The following ITIH5 variants were observed in gnomAD, a reference collection of about 807,000 sequenced individuals.
ITIH5 encodes inter-alpha-trypsin inhibitor heavy chain 5.
Under a neutral mutation model 77.5 loss-of-function variants are expected in ITIH5, and 65 were observed. That is an observed-to-expected ratio of 0.84 (90% CI 0.69 to 1.03). The LOEUF (loss-of-function observed/expected upper bound fraction) is 1.03, where lower values mean the gene tolerates loss of function less well. Among genes scored for constraint, ITIH5 ranks in the 50% least tolerant of loss-of-function variants. The pLI is 0.00. For missense variants in ITIH5, 1,208 were observed against 1,213.1 expected (o/e 1.00, Z 0.06); for synonymous variants, 525 against 494.3 (o/e 1.06, Z -0.82).
chr10:7,564,736 A>G (rs1398828048), intron 13 of ITIH5, among the ~76,000 whole-genome samples: 1 of 151,762 alleles, frequency 6.6e-6, no homozygotes, highest in Non-Finnish European at 1.5e-5. Flanking sequence ...GTGGGTGTGA[A>G]TATATATAAT....
chr10:7,637,379 C>T lies in ITIH5; in HGVS notation c.501G>A (p.Leu167=). 1.2e-6 allele frequency: 2 copies of T among 1,614,244 alleles called. No homozygotes were observed. Among genetic ancestry groups the T allele is most frequent in the African/African-American group, 1.3e-5 (1 of 75,076 alleles). Residue 167 remains leucine (L), a synonymous_variant, in exon 5 of 14, where the codon CTG becomes CTA. Transcript: ENST00000397146. ...LSYEELLQRR[L]GKYEHSISVR... ...CGCTGATGCTGTGCTCGTACTTGCCCAGGCGCCTCTGCAGAAGCTCCTCAT... is the reference window on the plus strand; with the variant it reads ...CGCTGATGCTGTGCTCGTACTTGCCTAGGCGCCTCTGCAGAAGCTCCTCAT...
chr10:7,644,293 T>G (rs911060310), intron 2 of ITIH5, among the ~76,000 whole-genome samples: 1 of 149,152 alleles, frequency 6.7e-6, no homozygotes, highest in Non-Finnish European at 1.5e-5. Context: ...ATATATCATA[T>G]ATATCATACA....
chr10:7,639,846 T>G (rs988799628), intron 4 of ITIH5, among the ~76,000 whole-genome samples: 1 of 152,048 alleles, frequency 6.6e-6, no homozygotes, highest in African/African-American at 2.4e-5. Context: ...TGCTAATAAC[T>G]CAAACAATGA....
chr10:7,585,770 G>A (rs1588375546), intron 8 of ITIH5, 131 bp downstream of exon 8: 15 of 723,850 alleles, frequency 2.1e-5, no homozygotes, highest in South Asian at 6.0e-5. Flanking sequence ...GAAAGCTCTC[G>A]CCTGCAGTCT....
At chr10:7,655,702 A>G (rs1834171249) in intron 1 of ITIH5, 27 bp from the exon 2 acceptor site, 7 of 1,584,790 alleles carry the variant, frequency 4.4e-6, no homozygotes, top group Non-Finnish European at 5.2e-6. Context: ...ACTGTTAAAA[A>G]GGTGATTTTT....
At chr10:7,662,398 A>T (rs1834291685) in intron 1 of ITIH5, among the ~76,000 whole-genome samples, 1 of 152,062 alleles carries the variant, frequency 6.6e-6, no homozygotes, top group Non-Finnish European at 1.5e-5. Context: ...AGAAAAGAAA[A>T]ATCAGGGAAC....
intron 1 of ITIH5, among the ~76,000 whole-genome samples, chr10:7,657,041 C>CT (rs56737624): frequency 0.042 from 4,183 of 99,674 alleles, 312 homozygotes; most frequent in African/African-American, 0.11. Flanking sequence ...CGCGTTCGGC[C>CT]TTTTTTTTTT....
intron 1 of ITIH5, among the ~76,000 whole-genome samples, chr10:7,660,748 GA>G (rs1483024403): frequency 6.6e-6 from 1 of 152,222 alleles, no homozygotes; most frequent in Non-Finnish European, 1.5e-5. Flanking sequence ...GAGGCAGGAG[GA>G]GAGAAACAAA....
chr10:7,662,483 GT>G (rs1834292856), intron 1 of ITIH5, among the ~76,000 whole-genome samples: 1 of 152,166 alleles, frequency 6.6e-6, no homozygotes, highest in Non-Finnish European at 1.5e-5. Context: ...TTCATCCTCT[GT>G]CCCCCATCTT....
rs765580530 is a variant in ITIH5 at position 7,566,289 on chromosome 10, G to T, written c.2268C>A (p.Leu756=). 2 of 1,613,638 alleles carry T rather than the reference G, an allele frequency of 1.2e-6. No homozygotes were observed. Among genetic ancestry groups the T allele is most frequent in the Admixed American group, 1.7e-5 (1 of 59,964 alleles). The part of the protein sequence containing the change: ...ILINKPERSY[L]EITPSRVILD... ...AGATGACTCTGCTCGGTGTGATCTC[G>T]AGATAAGATCTCTCTGGCTTGTTGA... The change falls in exon 13 of 14, where the codon CTC becomes CTA. Residue 756 remains leucine (L), a synonymous_variant. Transcript: ENST00000397146.
At chr10:7,627,184 C>T (rs1473961774) in intron 5 of ITIH5, among the ~76,000 whole-genome samples, 1 of 152,088 alleles carries the variant, frequency 6.6e-6, no homozygotes, top group Non-Finnish European at 1.5e-5. Flanking sequence ...AAAGCTAATA[C>T]ATGCGGGGCT....
At chr10:7,628,903 G>A (rs1296376847) in intron 5 of ITIH5, among the ~76,000 whole-genome samples, 5 of 139,342 alleles carry the variant, frequency 3.6e-5, no homozygotes, top group African/African-American at 1.3e-4. Context: ...GTTGTGGCAT[G>A]CATCCATGTT....
intron 5 of ITIH5, among the ~76,000 whole-genome samples, chr10:7,631,258 T>A (rs1187935973): frequency 6.6e-6 from 1 of 152,146 alleles, no homozygotes; most frequent in Non-Finnish European, 1.5e-5. Flanking sequence ...AAAGCTCCCG[T>A]GGATTCTAAC....
intron 1 of ITIH5, among the ~76,000 whole-genome samples, chr10:7,660,482 G>A (rs776781815): frequency 6.6e-6 from 1 of 152,174 alleles, no homozygotes; most frequent in Non-Finnish European, 1.5e-5. Flanking sequence ...TGAGGTAAAG[G>A]CTTCCTTAGG....
chr10:7,572,140 A>G, intron 11 of ITIH5: 2 of 1,106,848 alleles, frequency 1.8e-6, no homozygotes, highest in South Asian at 2.2e-5. Context: ...AAGGAATTAC[A>G]TTCTGTCTCC....
chr10:7,571,095 G>A (rs765201817), intron 11 of ITIH5, among the ~76,000 whole-genome samples: 13 of 152,266 alleles, frequency 8.5e-5, no homozygotes, highest in African/African-American at 2.2e-4. Flanking sequence ...TCCCTGACAC[G>A]GGCCCTTGAG....
At chr10:7,591,599 G>A (rs930729861) in intron 7 of ITIH5, among the ~76,000 whole-genome samples, 28 of 152,236 alleles carry the variant, frequency 1.8e-4, no homozygotes, top group African/African-American at 6.7e-4. Flanking sequence ...TGCACCTGCT[G>A]TTTTTTCCTT....
chr10:7,640,677 G>A, intron 4 of ITIH5, 77 bp downstream of exon 4: 3 of 834,846 alleles, frequency 3.6e-6, no homozygotes, highest in Admixed American at 2.1e-5. Context: ...AAGACGACAA[G>A]AGGAGTAGGC....
intron 1 of ITIH5, among the ~76,000 whole-genome samples, chr10:7,658,531 A>G (rs1420373862): frequency 2.6e-5 from 4 of 152,162 alleles, no homozygotes; most frequent in Non-Finnish European, 4.4e-5. Flanking sequence ...CCCTCAGAAG[A>G]TCCAGAGAAT....
Sources: gnomAD v4.1 joint callset for allele counts (sites outside exome capture counted in the v4.1 genomes callset) on GRCh38, gnomAD v4.1.1 for gene constraint, MANE v1.5 for transcripts, NCBI Gene and HGNC (gene_info 2026-07-23, HGNC 2026-07-21) for gene names.